The following TMEM14A variants were observed in gnomAD, a reference collection of about 807,000 sequenced individuals.
TMEM14A encodes transmembrane protein 14A.
Under a neutral mutation model 11.6 loss-of-function variants are expected in TMEM14A, and 8 were observed. That is an observed-to-expected ratio of 0.69 (90% confidence interval 0.40 to 1.24). The LOEUF (loss-of-function observed/expected upper bound fraction) is 1.24, where lower values mean the gene tolerates loss of function less well. Among genes scored for constraint, TMEM14A ranks in the 50% most tolerant of loss-of-function variants. The pLI, the probability that TMEM14A is intolerant of heterozygous loss-of-function variation, is 0.01. For synonymous variants in TMEM14A, 34 were observed against 45.5 expected (o/e 0.75, Z 1.02); for missense variants, 108 against 121.9 (o/e 0.89, Z 0.54).
intron 1 of TMEM14A, among the ~76,000 whole-genome samples, chr6:52,672,550 G>A (rs935809988): frequency 1.3e-5 from 2 of 151,980 alleles, no homozygotes; most frequent in Admixed American, 1.3e-4. Context: ...TCTTCCCACC[G>A]CCACACACCT....
At chr6:52,684,339 A>G (rs1323994948) in intron 4 of TMEM14A, among the ~76,000 whole-genome samples, 174 bp downstream of exon 4, 1 of 152,234 alleles carries the variant, frequency 6.6e-6, no homozygotes, top group Non-Finnish European at 1.5e-5. Context: ...TGATGTACCC[A>G]TGAACATTCT....
intron 1 of TMEM14A, among the ~76,000 whole-genome samples, chr6:52,673,694 C>T (rs1769203890): frequency 6.6e-6 from 1 of 152,202 alleles, no homozygotes; most frequent in Non-Finnish European, 1.5e-5. Flanking sequence ...CTGCCTCCTA[C>T]AGCTGTGTTG....
intron 1 of TMEM14A, among the ~76,000 whole-genome samples, 187 bp from the exon 2 acceptor site, chr6:52,676,900 A>C (rs944719596): frequency 5.3e-5 from 8 of 152,168 alleles, no homozygotes; most frequent in Non-Finnish European, 1.0e-4. Context: ...TTGCTAAACC[A>C]TTAGCAGCCA....
At chr6:52,685,088 CAGGA>C (rs1336943259) in intron 4 of TMEM14A, among the ~76,000 whole-genome samples, 1 of 152,048 alleles carries the variant, frequency 6.6e-6, no homozygotes, top group African/African-American at 2.4e-5. Flanking sequence ...TATAAAAAAA[CAGGA>C]AGGAAATATT....
Position 52,686,041 on chromosome 6 carries a change from C to T in TMEM14A, c.292C>T (p.Leu98=). Residue 98 remains leucine (L), a synonymous_variant, in exon 5 of 5, where the codon CTG becomes TTG. Coordinates refer to ENST00000211314, the MANE Select transcript of TMEM14A (RefSeq NM_014051.4). The part of the protein sequence containing the change: ...LMMILRLVLL[L]L ...GATGATCCTGAGACTTGTCTTGTTG[C>T]TGCTCTGAGCATCTGGAGGAACAGA... 1 of 1,611,840 alleles carries T rather than the reference C, an allele frequency of 6.2e-7. No individual in the cohort carries two copies. The highest frequency in any genetic ancestry group is 8.5e-7 in the Non-Finnish European group (1 of 1,178,986).
At chr6:52,683,970 A>T (rs41503153) in intron 3 of TMEM14A, 108 bp from the exon 4 acceptor site, 71,580 of 1,013,224 alleles carry the variant, frequency 0.071, 3,185 homozygotes, top group South Asian at 0.17. Flanking sequence ...CTCAGTACCT[A>T]TCCATAATAG....
At chr6:52,677,825 A>G (rs779385643) in intron 2 of TMEM14A, among the ~76,000 whole-genome samples, 7 of 152,090 alleles carry the variant, frequency 4.6e-5, no homozygotes, top group Admixed American at 6.6e-5. Flanking sequence ...TTCAAAGGGT[A>G]TTGTATTTGT....
chr6:52,678,502 GCCT>G (rs1769305895), intron 2 of TMEM14A, among the ~76,000 whole-genome samples: 1 of 152,088 alleles, frequency 6.6e-6, no homozygotes, highest in Non-Finnish European at 1.5e-5. Context: ...TGGTTTCTTG[GCCT>G]CCTGCAAGAG....
intron 1 of TMEM14A, among the ~76,000 whole-genome samples, chr6:52,673,224 T>G (rs1194112835): frequency 6.6e-6 from 1 of 152,174 alleles, no homozygotes; most frequent in Non-Finnish European, 1.5e-5. Context: ...GAATGTGTTT[T>G]CTGAACTAGG....
chr6:52,672,685 T>G (rs1490809901), intron 1 of TMEM14A, among the ~76,000 whole-genome samples: 1 of 152,074 alleles, frequency 6.6e-6, no homozygotes, highest in African/African-American at 2.4e-5. Flanking sequence ...GACTTTCCCT[T>G]CCCGCCTCAA....
intron 2 of TMEM14A, among the ~76,000 whole-genome samples, chr6:52,680,281 C>T (rs73433355): frequency 0.011 from 1,621 of 151,908 alleles, 16 homozygotes; most frequent in African/African-American, 0.037. Context: ...GTGAGCTACA[C>T]TTGGCCAAGT....
chr6:52,671,655 A>G (rs1289869677), intron 1 of TMEM14A, among the ~76,000 whole-genome samples: 3 of 152,118 alleles, frequency 2.0e-5, no homozygotes, highest in Admixed American at 2.0e-4. Context: ...GCATGTGAAA[A>G]TGCTTTTTAT....
chr6:52,682,914 C>T (rs147228636), intron 3 of TMEM14A, among the ~76,000 whole-genome samples: 2 of 152,128 alleles, frequency 1.3e-5, no homozygotes, highest in Non-Finnish European at 2.9e-5. Context: ...ATTTAGTCTC[C>T]AGGCATCAAA....
intron 1 of TMEM14A, among the ~76,000 whole-genome samples, 200 bp downstream of exon 1, chr6:52,671,445 G>T (rs1202207660): frequency 6.6e-6 from 1 of 152,086 alleles, no homozygotes; most frequent in East Asian, 1.9e-4. Flanking sequence ...CTCCTCCCGA[G>T]TTTCTGCCTT....
chr6:52,673,373 A>G (rs7746344), intron 1 of TMEM14A, among the ~76,000 whole-genome samples: 121,081 of 151,978 alleles, frequency 0.8, 48,773 homozygotes, highest in South Asian at 0.88. Flanking sequence ...GTTGCCAGGT[A>G]GAGGTCATTG....
chr6:52,679,009 A>G (rs751567212), intron 2 of TMEM14A, among the ~76,000 whole-genome samples: 25 of 152,196 alleles, frequency 1.6e-4, no homozygotes, highest in Non-Finnish European at 3.4e-4. Flanking sequence ...AGACCCTTCT[A>G]CGGGACAGTT....
chr6:52,677,224 T>G, intron 2 of TMEM14A, 52 bp downstream of exon 2: 59 of 1,587,576 alleles, frequency 3.7e-5, no homozygotes, highest in South Asian at 4.4e-5. Context: ...GTTTGGAGGT[T>G]GTGCTAGGTC....
intron 4 of TMEM14A, 94 bp from the exon 5 acceptor site, chr6:52,685,916 A>G (rs1581747527): frequency 5.1e-6 from 6 of 1,177,110 alleles, no homozygotes; most frequent in Non-Finnish European, 7.1e-6. Flanking sequence ...GCCAAGGATT[A>G]GTAACACTAC....
At position 52,680,587 on chromosome 6, in the gene TMEM14A, ATATATT is replaced by A. The variant is rs1418141908; in HGVS notation, c.71-1220_71-1215del. Among the ~76,000 whole-genome samples the A allele has an allele frequency of 9.1e-4, 84 of 92,624 alleles. 1 individual carries two copies. Among genetic ancestry groups the A allele is most frequent in the African/African-American group, 2.4e-3 (63 of 25,786 alleles). The allele number at this position is 92,624 out of a possible 152,430, so 60.8% of individuals were successfully genotyped here. A position where few individuals can be genotyped will look rare whatever the true frequency, so the allele number is the denominator to read the frequency against. On this transcript the variant is annotated intron_variant, in intron 2 of 4. Coordinates refer to ENST00000211314, the MANE Select transcript of TMEM14A (RefSeq NM_014051.4). ...TAACATTCTAAGCCACTATATATTT[ATATATT>A]TATATATATATATATATATGTATAT...
Sources: allele counts gnomAD v4.1 joint callset (sites outside exome capture counted in the v4.1 genomes callset), GRCh38; gene constraint gnomAD v4.1.1; transcripts MANE v1.5; gene names NCBI Gene and HGNC (gene_info 2026-07-23, HGNC 2026-07-21).